The following POLR3D variants were observed in gnomAD, a reference collection of about 807,000 sequenced individuals.
POLR3D encodes RNA polymerase III subunit D.
A neutral mutation model predicts 44.5 loss-of-function variants in POLR3D; 42 were observed. The ratio of observed to expected loss-of-function variants is 0.94; its 90% CI spans 0.74 to 1.22. The LOEUF (loss-of-function observed/expected upper bound fraction) is 1.22, where lower values mean the gene tolerates loss of function less well. POLR3D is among the 50% of genes most tolerant of loss of function. The pLI, the probability that POLR3D is intolerant of heterozygous loss-of-function variation, is 0.00. For missense variants in POLR3D, 507 were observed against 505.2 expected (o/e 1.00, Z -0.03); for synonymous variants, 217 against 198.1 (o/e 1.10, Z -0.80).
At position 22,249,116 on chromosome 8, in the gene POLR3D, C is replaced by G; in HGVS notation, c.728C>G (p.Pro243Arg). The change falls in exon 7 of 9, where the codon CCA becomes CGA. Residue 243 changes from proline (P) to arginine (R), a missense_variant. Coordinates refer to ENST00000306433, the MANE Select transcript of POLR3D (RefSeq NM_001722.3). ...CCTCCCAAAGCAGCCAGGAAGACTC[C>G]AGGCCTCCCGAAGGATGTATCTGTG... Reference protein sequence around the residue: ...KAPPKAARKTPGLPKDVSVAE... With the variant: ...KAPPKAARKTRGLPKDVSVAE... 1 of 1,613,984 alleles carries G rather than the reference C, an allele frequency of 6.2e-7. No individual in the cohort carries two copies. The highest frequency in any genetic ancestry group is 8.5e-7 in the Non-Finnish European group (1 of 1,179,980).
Position 22,250,525 on chromosome 8 carries a change from C to G in POLR3D, c.*7C>G, listed in dbSNP as rs562375694. 1.9e-6 allele frequency: 3 copies of G among 1,614,116 alleles called. No homozygotes were observed. The highest frequency in any genetic ancestry group is 3.3e-5 in the Admixed American group (2 of 60,010). On this transcript the variant is annotated 3_prime_UTR_variant, in exon 9 of 9. Coordinates refer to ENST00000306433, the MANE Select transcript of POLR3D (RefSeq NM_001722.3). ...GGATCACAAACACCGGTAAAATGAGCAGGTGGAGGAGGACGGCGCCTGTGC... is the reference window on the plus strand; with the variant it reads ...GGATCACAAACACCGGTAAAATGAGGAGGTGGAGGAGGACGGCGCCTGTGC...
chr8:22,245,314 G>C (rs1407446666), intron 1 of POLR3D, 131 bp downstream of exon 1: 1 of 607,774 alleles, frequency 1.6e-6, no homozygotes, highest in Non-Finnish European at 2.6e-6. Context: ...GTCTCGCCAC[G>C]TGGGAGGGGA....
chr8:22,249,889 C>T (rs957686145), intron 7 of POLR3D, among the ~76,000 whole-genome samples, 186 bp from the exon 8 acceptor site: 1 of 152,138 alleles, frequency 6.6e-6, no homozygotes, highest in Non-Finnish European at 1.5e-5. Flanking sequence ...ATATTTTGTC[C>T]GTGTATGTAT....
chr8:22,249,770 C>G (rs926544880), intron 7 of POLR3D, among the ~76,000 whole-genome samples: 10 of 152,154 alleles, frequency 6.6e-5, no homozygotes, highest in African/African-American at 2.4e-4. Context: ...TGCAGTAAGC[C>G]TAGATCATGC....
In POLR3D at chr8:22,248,604, G is replaced by A; in HGVS notation, c.610G>A (p.Gly204Ser). 1 of 1,614,070 alleles carries A rather than the reference G, an allele frequency of 6.2e-7. No individual in the cohort carries two copies. The highest frequency in any genetic ancestry group is 1.7e-5 in the Admixed American group (1 of 60,026). ...ACCAGATGTTAAACCTTGGCTGGCT[G>A]GCCCCAAGGAAGAGGACATGGAGGT... ...DEPDVKPWLAGPKEEDMEVDI... is the reference protein window; with the variant it reads ...DEPDVKPWLASPKEEDMEVDI... The change falls in exon 6 of 9, where the codon GGC (glycine) becomes AGC (serine). Residue 204 changes from glycine to serine, a missense_variant. Physicochemically the swap from Gly to Ser is moderately conservative, Grantham distance 56. Transcript: ENST00000306433.
chr8:22,248,495 C>T lies in POLR3D; in HGVS notation c.501C>T (p.Pro167=), dbSNP rs777514950. ...CTCTTTGGCAGTTCCTCGATGACCC[C>T]GGCCTGAGGAACGACACTCGAAATA... ...MLEKDDFLDD[P]GLRNDTRNMP... Residue 167 remains proline (P), a synonymous_variant, in exon 6 of 9, where the codon CCC becomes CCT. Transcript: ENST00000306433. The T allele has an allele frequency of 9.9e-6, 16 of 1,614,056 alleles. No individual in the cohort carries two copies. The highest frequency in any genetic ancestry group is 3.3e-5 in the South Asian group (3 of 91,072).
rs1158690997 is a variant in POLR3D, at chr8:22,252,970, G to C, written c.*2452G>C. 6.6e-6 allele frequency: 1 copy of C among 151,990 alleles called. No individual in the cohort carries two copies. Among genetic ancestry groups the C allele is most frequent in the African/African-American group, 2.4e-5 (1 of 41,370 alleles). The allele number at this position is 151,990 out of a possible 1,614,324, so 9.4% of individuals were successfully genotyped here. A position where few individuals can be genotyped will look rare whatever the true frequency, so the allele number is the denominator to read the frequency against. ...GAGTGAGACAGTAGTAGCTTAATAG[G>C]GTTGCTTTTAAATTAGAGTGAACAT... is the stretch of plus-strand genomic sequence containing the variant. On this transcript the variant is annotated 3_prime_UTR_variant, in exon 9 of 9. Transcript: ENST00000306433.
At position 22,250,473 on chromosome 8, in the gene POLR3D, A is replaced by G. The variant is rs75142930; in HGVS notation, c.1152A>G (p.Val384=). 0.054 allele frequency: 87,319 copies of G among 1,614,050 alleles called. 2,806 individuals are homozygous for G. Among genetic ancestry groups the G allele is most frequent in the Admixed American group, 0.1 (6,221 of 60,014 alleles). ...TGGGACACGTGAAGCACAAACTTGT[A>G]TGTTCCCCTGATTTTGAATCCCTCT... The part of the protein sequence containing the change: ...TVLGHVKHKL[V]CSPDFESLLD... The change falls in exon 9 of 9, where the codon GTA becomes GTG. Residue 384 remains valine, a synonymous_variant. Coordinates refer to ENST00000306433, the MANE Select transcript of POLR3D (RefSeq NM_001722.3).
At chr8:22,248,732 C>T in intron 6 of POLR3D, 83 bp downstream of exon 6, 4 of 1,347,340 alleles carry the variant, frequency 3.0e-6, no homozygotes, top group Non-Finnish European at 4.2e-6. Flanking sequence ...TTGCATGTGC[C>T]CCTGACTGCT....
chr8:22,246,393 G>C (rs1259682421), intron 2 of POLR3D, among the ~76,000 whole-genome samples: 1 of 151,408 alleles, frequency 6.6e-6, no homozygotes, highest in Non-Finnish European at 1.5e-5. Flanking sequence ...ACCTCCCAAG[G>C]TGCTGGGATT....
In POLR3D at chr8:22,253,352, T is replaced by TA. The variant is rs1830120746; in HGVS notation, c.*2835dup. On this transcript the variant is annotated 3_prime_UTR_variant, in exon 9 of 9. Coordinates refer to ENST00000306433, the MANE Select transcript of POLR3D (RefSeq NM_001722.3). ...CAGCAACCTCCCCCCTGTCTCTTTATAGAGTGGGGCCACGTGCCCACTCTT... is the reference window on the plus strand; with the variant it reads ...CAGCAACCTCCCCCCTGTCTCTTTATAAGAGTGGGGCCACGTGCCCACTCTT... 6.6e-6 allele frequency: 1 copy of TA among 152,264 alleles called. No homozygotes were observed. The highest frequency in any genetic ancestry group is 2.1e-4 in the South Asian group (1 of 4,834). 9.4% of individuals were successfully genotyped at this position (152,264 alleles called of 1,614,324 possible). A position where few individuals can be genotyped will look rare whatever the true frequency, so the allele number is the denominator to read the frequency against.
At position 22,253,558 on chromosome 8, in the gene POLR3D, T is replaced by C. The variant is rs1830122354; in HGVS notation, c.*3040T>C. On this transcript the variant is annotated 3_prime_UTR_variant, in exon 9 of 9. Transcript: ENST00000306433. Reference sequence around the variant, plus strand: ...GCAATGTAAAATCATAAAGTATTCATCTAGGCATAACTTTTTAAAATATTC... The same window carrying C: ...GCAATGTAAAATCATAAAGTATTCACCTAGGCATAACTTTTTAAAATATTC... 6.6e-6 allele frequency: 1 copy of C among 152,242 alleles called. No homozygotes were observed. Among genetic ancestry groups the C allele is most frequent in the Non-Finnish European group, 1.5e-5 (1 of 68,042 alleles). The allele number at this position is 152,242 out of a possible 1,614,324, so 9.4% of individuals were successfully genotyped here.
intron 6 of POLR3D, 139 bp downstream of exon 6, chr8:22,248,788 G>A: frequency 2.2e-6 from 2 of 910,644 alleles, no homozygotes; most frequent in Non-Finnish European, 1.7e-6. Flanking sequence ...TACATGAGCT[G>A]AACAAAGATG....
intron 2 of POLR3D, among the ~76,000 whole-genome samples, chr8:22,246,137 T>A (rs942152175): frequency 6.7e-6 from 1 of 148,626 alleles, no homozygotes; most frequent in Non-Finnish European, 1.5e-5. Flanking sequence ...TTGGTTTTGG[T>A]TTTTTTTGAG....
intron 7 of POLR3D, among the ~76,000 whole-genome samples, chr8:22,249,547 T>A (rs1222484270): frequency 1.3e-5 from 2 of 152,204 alleles, no homozygotes; most frequent in Non-Finnish European, 2.9e-5. Context: ...AGAGAACATA[T>A]GGCCAGATGC....
In POLR3D at chr8:22,248,534, G is replaced by C; in HGVS notation, c.540G>C (p.Leu180=). 2 of 1,614,206 alleles carry C rather than the reference G, an allele frequency of 1.2e-6. No homozygotes were observed. The highest frequency in any genetic ancestry group is 1.1e-5 in the South Asian group (1 of 91,088). The change falls in exon 6 of 9, where the codon CTG becomes CTC. Residue 180 remains leucine (L), a synonymous_variant. Transcript: ENST00000306433. The stretch of plus-strand genomic sequence containing the variant: ...ACACTCGAAATATGCCTGTGCAGCT[G>C]CCGCTGGCTCACTCAGGATGGCTTT... ...RNDTRNMPVQ[L]PLAHSGWLFK...
rs1711871626 is a variant in POLR3D at position 22,248,276 on chromosome 8, GATGTGGGTACCAGGAGGCTGGGGGA to G, written c.486_486+24del. 6.2e-7 allele frequency: 1 copy of G among 1,613,632 alleles called. No homozygotes were observed. Among genetic ancestry groups the G allele is most frequent in the Non-Finnish European group, 8.5e-7 (1 of 1,179,836 alleles). Reference sequence around the variant, plus strand: ...GATCTTGCGTATGCTGGAGAAGGACGATGTGGGTACCAGGAGGCTGGGGGAAGGGGTTTCCTTGTGGCTGTAGAAC... The same window carrying G: ...GATCTTGCGTATGCTGGAGAAGGACGAGGGGTTTCCTTGTGGCTGTAGAAC... On this transcript the variant is annotated splice_donor_variant and splice_donor_5th_base_variant and coding_sequence_variant and intron_variant, in exon 5 of 9. Transcript: ENST00000306433. LOFTEE classifies it high-confidence loss of function.
In POLR3D at chr8:22,248,571, A is replaced by G. The variant is rs1367903617; in HGVS notation, c.577A>G (p.Asn193Asp). The G allele has an allele frequency of 1.2e-6, 2 of 1,614,032 alleles. No homozygotes were observed. Among genetic ancestry groups the G allele is most frequent in the Non-Finnish European group, 1.7e-6 (2 of 1,180,032 alleles). The change falls in exon 6 of 9, where the codon AAT (asparagine) becomes GAT (aspartate). Residue 193 changes from asparagine (N) to aspartate (D), a missense_variant. Transcript: ENST00000306433. ...AHSGWLFKEENDEPDVKPWLA... is the reference protein window; with the variant it reads ...AHSGWLFKEEDDEPDVKPWLA... ...CTCAGGATGGCTTTTTAAGGAAGAAAATGACGAACCAGATGTTAAACCTTG... is the reference window on the plus strand; with the variant it reads ...CTCAGGATGGCTTTTTAAGGAAGAAGATGACGAACCAGATGTTAAACCTTG...
At chr8:22,246,768 C>T (rs993953100) in intron 2 of POLR3D, among the ~76,000 whole-genome samples, 2 of 152,214 alleles carry the variant, frequency 1.3e-5, no homozygotes, top group Non-Finnish European at 2.9e-5. Context: ...AAAAACCTAA[C>T]TTTGCCTTGG....
Sources: allele counts gnomAD v4.1 joint callset (sites outside exome capture counted in the v4.1 genomes callset), GRCh38; gene constraint gnomAD v4.1.1; transcripts MANE v1.5; gene names NCBI Gene and HGNC (gene_info 2026-07-23, HGNC 2026-07-21).